The following TBC1D22A variants were observed in gnomAD, a reference collection of about 807,000 sequenced individuals.
TBC1D22A encodes the protein TBC1 domain family member 22A.
Under a neutral mutation model 60.2 loss-of-function variants are expected in TBC1D22A, and 38 were observed. The ratio of observed to expected loss-of-function variants is 0.63; its 90% CI spans 0.49 to 0.83. TBC1D22A has a LOEUF of 0.83. TBC1D22A is among the 40% of genes least tolerant of loss of function. The pLI, the probability that TBC1D22A is intolerant of heterozygous loss-of-function variation, is 0.00. For synonymous variants in TBC1D22A, 302 were observed against 281.7 expected, an observed-to-expected ratio of 1.07 and a Z score of -0.72; for missense variants, 628 against 701.0, an observed-to-expected ratio of 0.90 and a Z score of 1.18.
chr22:47,022,404 G>T (rs1045013589), intron 10 of TBC1D22A, among the ~76,000 whole-genome samples: 3 of 152,206 alleles, frequency 2.0e-5, no homozygotes, highest in African/African-American at 7.2e-5. Flanking sequence ...GGAGCATGGT[G>T]TCAGGAGGCA....
chr22:46,849,371 C>T (rs1479573856), intron 4 of TBC1D22A, among the ~76,000 whole-genome samples: 3 of 152,224 alleles, frequency 2.0e-5, no homozygotes, highest in Non-Finnish European at 4.4e-5. Context: ...CAGTGTTTCT[C>T]TGTGAAATTC....
At chr22:47,124,169 T>C (rs2066370267) in intron 12 of TBC1D22A, among the ~76,000 whole-genome samples, 1 of 152,168 alleles carries the variant, frequency 6.6e-6, no homozygotes, top group Admixed American at 6.5e-5. Flanking sequence ...GCTGAGCATT[T>C]GAATCCCTGC....
chr22:47,171,732 G>A (rs1279460106), intron 12 of TBC1D22A, among the ~76,000 whole-genome samples: 1 of 152,206 alleles, frequency 6.6e-6, no homozygotes, highest in African/African-American at 2.4e-5. Flanking sequence ...GGAGGGCGGG[G>A]CTGTCAGGCG....
At chr22:47,165,135 T>C (rs4823474) in intron 12 of TBC1D22A, among the ~76,000 whole-genome samples, 55,355 of 152,022 alleles carry the variant, frequency 0.36, 12,441 homozygotes, top group East Asian at 0.69. Flanking sequence ...CCTCCTGCTC[T>C]GTCAAGTGTG....
At chr22:46,988,865 ACTC>A (rs1435034066) in intron 9 of TBC1D22A, among the ~76,000 whole-genome samples, 2 of 151,942 alleles carry the variant, frequency 1.3e-5, no homozygotes, top group South Asian at 2.1e-4. Context: ...TGAGGCATTG[ACTC>A]CTCCTCTCTA....
intron 9 of TBC1D22A, among the ~76,000 whole-genome samples, chr22:46,982,924 T>A (rs868858704): frequency 3.9e-5 from 6 of 152,178 alleles, no homozygotes; most frequent in Non-Finnish European, 7.3e-5. Context: ...TCTGGGGTGC[T>A]TTTCAGTGGT....
At chr22:47,018,418 G>A (rs1054183169) in intron 10 of TBC1D22A, among the ~76,000 whole-genome samples, 4 of 152,226 alleles carry the variant, frequency 2.6e-5, no homozygotes, top group South Asian at 2.1e-4. Context: ...CCATTTTAAT[G>A]CAATCTGAGG....
chr22:46,990,883 G>A lies in TBC1D22A; in HGVS notation c.1126-6751G>A, dbSNP rs2074914276. Among the ~76,000 whole-genome samples, 1 of 152,170 alleles carries A rather than the reference G, an allele frequency of 6.6e-6. No homozygotes were observed. Among genetic ancestry groups the A allele is most frequent in the African/African-American group, 2.4e-5 (1 of 41,432 alleles). ...TGACCATGGATGGCCTCCTCCTGCT[G>A]GTGTGCCGCTTTACTCTGCTGGTTG... On this transcript the variant is annotated intron_variant, in intron 9 of 12. Coordinates refer to ENST00000337137, the MANE Select transcript of TBC1D22A (RefSeq NM_014346.5). This position sits in a 1 kb window ranked among gnomAD's most constrained non-coding sequence, Gnocchi z 4.6.
chr22:46,858,096 G>T (rs1279350202), intron 4 of TBC1D22A, among the ~76,000 whole-genome samples: 1 of 152,126 alleles, frequency 6.6e-6, no homozygotes, highest in African/African-American at 2.4e-5. Flanking sequence ...CACCAGCAAT[G>T]CATGAGGGCT....
At chr22:46,811,644 G>C (rs2085381861) in intron 4 of TBC1D22A, among the ~76,000 whole-genome samples, 1 of 152,212 alleles carries the variant, frequency 6.6e-6, no homozygotes, top group Non-Finnish European at 1.5e-5. Flanking sequence ...GATTCCTAGA[G>C]ACTTACAGAG....
At position 47,003,426 on chromosome 22, in the gene TBC1D22A, G is replaced by A. The variant is rs190982026; in HGVS notation, c.1201+5717G>A. Among the ~76,000 whole-genome samples, 890 of 128,430 alleles carry A rather than the reference G, an allele frequency of 6.9e-3. 5 individuals are homozygous for A. Among genetic ancestry groups the A allele is most frequent in the Non-Finnish European group, 0.01 (610 of 60,264 alleles). The allele number at this position is 128,430 out of a possible 152,430, so 84.3% of individuals were successfully genotyped here. On this transcript the variant is annotated intron_variant, in intron 10 of 12. Coordinates refer to ENST00000337137, the MANE Select transcript of TBC1D22A (RefSeq NM_014346.5). ...ACATGCCTGTACACACATACCCTACGCACACATGCCTGTACACACGCACCC... is the reference window on the plus strand; with the variant it reads ...ACATGCCTGTACACACATACCCTACACACACATGCCTGTACACACGCACCC...
At chr22:46,875,946 G>A (rs1275871892) in intron 4 of TBC1D22A, among the ~76,000 whole-genome samples, 1 of 151,756 alleles carries the variant, frequency 6.6e-6, no homozygotes, top group Non-Finnish European at 1.5e-5. Context: ...GACAAGGCTG[G>A]TGCTCATGAC....
chr22:46,815,767 C>T (rs576459132), intron 4 of TBC1D22A, among the ~76,000 whole-genome samples: 9 of 152,226 alleles, frequency 5.9e-5, no homozygotes, highest in Middle Eastern at 6.8e-3. Context: ...AGGAAAATTC[C>T]AGCTTTATGG....
At chr22:46,787,377 CTCTT>C (rs1243817348) in intron 1 of TBC1D22A, among the ~76,000 whole-genome samples, 1 of 152,220 alleles carries the variant, frequency 6.6e-6, no homozygotes, top group East Asian at 1.9e-4. Flanking sequence ...TGCCTCTCCT[CTCTT>C]TCTGTCGAGT....
intron 7 of TBC1D22A, among the ~76,000 whole-genome samples, chr22:46,903,638 T>C (rs1463953892): frequency 6.6e-6 from 1 of 152,110 alleles, no homozygotes; most frequent in Non-Finnish European, 1.5e-5. Flanking sequence ...CTCAATGTTT[T>C]GCAGCAGCCA....
At chr22:47,120,514 G>T (rs2066233777) in intron 12 of TBC1D22A, among the ~76,000 whole-genome samples, 1 of 152,206 alleles carries the variant, frequency 6.6e-6, no homozygotes, top group Admixed American at 6.5e-5. Flanking sequence ...ACTAGTGTTT[G>T]CCCTGAAGGT....
intron 7 of TBC1D22A, among the ~76,000 whole-genome samples, chr22:46,895,260 G>A (rs560321506): frequency 1.5e-4 from 22 of 151,608 alleles, no homozygotes; most frequent in African/African-American, 4.8e-4. Context: ...TTATGTTTAC[G>A]ATTCTTTGTG....
At chr22:46,989,787 A>ACAC (rs58174049) in intron 9 of TBC1D22A, among the ~76,000 whole-genome samples, 1 of 151,220 alleles carries the variant, frequency 6.6e-6, no homozygotes, top group African/African-American at 2.4e-5. Flanking sequence ...ACACACACAC[A>ACAC]ATAAATAAAT....
At chr22:46,913,910 T>C (rs957265197) in intron 8 of TBC1D22A, 6 of 360,964 alleles carry the variant, frequency 1.7e-5, no homozygotes, top group African/African-American at 1.3e-4. Flanking sequence ...AAAGAAAGCC[T>C]GGAGAAAATG....
Sources: gnomAD v4.1 joint callset for allele counts (sites outside exome capture counted in the v4.1 genomes callset) on GRCh38, gnomAD v4.1.1 for gene constraint, Gnocchi (gnomAD v3.1) non-coding constraint, MANE v1.5 for transcripts, NCBI Gene and HGNC (gene_info 2026-07-23, HGNC 2026-07-21) for gene names.